Variants in BRF1 observed in about 807,000 individuals in gnomAD.
The protein encoded by BRF1 is transcription factor IIIB 90 kDa subunit.
Under a neutral mutation model 81.7 loss-of-function variants are expected in BRF1, and 59 were observed. The ratio of observed to expected loss-of-function variants is 0.72; its 90% CI spans 0.59 to 0.90. The LOEUF (loss-of-function observed/expected upper bound fraction) is 0.90. BRF1 is among the 40% of genes least tolerant of loss of function. The pLI, the probability that BRF1 is intolerant of heterozygous loss-of-function variation, is 0.00. For synonymous variants in BRF1, 491 were observed against 395.6 expected (o/e 1.24, Z -2.86); for missense variants, 1,050 against 936.3 (o/e 1.12, Z -1.58).
At chr14:105,219,092 C>T (rs992291073) in intron 13 of BRF1, 39 bp from the exon 14 acceptor site, 1 of 1,613,974 alleles carries the variant, frequency 6.2e-7, no homozygotes, top group Non-Finnish European at 8.5e-7. Flanking sequence ...ACTGAGGGCC[C>T]ACGCCCCAGG....
At chr14:105,226,379 C>A in intron 8 of BRF1, 89 bp from the exon 9 acceptor site, 1 of 1,566,330 alleles carries the variant, frequency 6.4e-7, no homozygotes, top group Non-Finnish European at 8.8e-7. Context: ...CCAGGGACCA[C>A]AGGCTGCTAG....
chr14:105,298,765 G>A (rs1235698186), intron 1 of BRF1, among the ~76,000 whole-genome samples: 1 of 151,920 alleles, frequency 6.6e-6, no homozygotes, highest in African/African-American at 2.4e-5. Flanking sequence ...TGAGGCACGA[G>A]AATCACTTGA....
intron 4 of BRF1, among the ~76,000 whole-genome samples, chr14:105,254,703 A>C (rs2055780798): frequency 6.6e-6 from 1 of 152,148 alleles, no homozygotes; most frequent in Non-Finnish European, 1.5e-5. Flanking sequence ...CTGGGATTAT[A>C]GGCATCCGCC....
intron 1 of BRF1, among the ~76,000 whole-genome samples, chr14:105,289,877 C>T (rs1240743707): frequency 6.6e-6 from 1 of 151,936 alleles, no homozygotes; most frequent in Non-Finnish European, 1.5e-5. Context: ...CTCAAGTGAT[C>T]CACCCACCTC....
chr14:105,299,110 T>C (rs1189078061), intron 1 of BRF1, among the ~76,000 whole-genome samples: 2 of 151,786 alleles, frequency 1.3e-5, no homozygotes, highest in Non-Finnish European at 2.9e-5. Flanking sequence ...GAGGCAGAGC[T>C]TGCAGTGAGC....
chr14:105,215,149 G>A (rs768775311), intron 15 of BRF1, among the ~76,000 whole-genome samples: 57 of 152,150 alleles, frequency 3.7e-4, no homozygotes, highest in Admixed American at 3.3e-3. Context: ...GCACGAACAC[G>A]CAGATGTGTG....
intron 5 of BRF1, 67 bp from the exon 6 acceptor site, chr14:105,241,481 C>T (rs1273788801): frequency 1.9e-6 from 3 of 1,592,928 alleles, no homozygotes; most frequent in Non-Finnish European, 2.6e-6. Flanking sequence ...GCGGCCCACG[C>T]AGCCCAGGGG....
chr14:105,212,331 G>A, intron 15 of BRF1, 167 bp from the exon 16 acceptor site: 1 of 804,860 alleles, frequency 1.2e-6, no homozygotes, highest in Non-Finnish European at 2.0e-6. Context: ...AGTGCTCACT[G>A]CACATCAACA....
At position 105,209,479 on chromosome 14, in the gene BRF1, T is replaced by A. The variant is rs1475723610; in HGVS notation, c.*1072A>T. 4 of 700,216 alleles carry A rather than the reference T, an allele frequency of 5.7e-6. No individual in the cohort carries two copies. The Admixed American group carries it at 8.0e-5, about 14-fold the overall frequency. The allele number at this position is 700,216 out of a possible 1,614,324, so 43.4% of individuals were successfully genotyped here. A position where few individuals can be genotyped will look rare whatever the true frequency, so the allele number is the denominator to read the frequency against. On this transcript the variant is annotated 3_prime_UTR_variant, in exon 18 of 18. Coordinates refer to ENST00000547530, the MANE Select transcript of BRF1 (RefSeq NM_001519.4). ...GGAGGATGAGGCCCCTGGGGGTCAG[T>A]GAGGCACGGCTCTGCCTCAAGGCCA... is the stretch of plus-strand genomic sequence containing the variant.
Position 105,221,655 on chromosome 14 carries a change from G to A in BRF1, c.1308C>T (p.Ser436=), listed in dbSNP as rs149482077. The change falls in exon 11 of 18, where the codon AGC becomes AGT. Residue 436 remains serine, a synonymous_variant. Coordinates refer to ENST00000547530, the MANE Select transcript of BRF1 (RefSeq NM_001519.4). ...SIRECISSQS[S]DPKDASGDGE... is the part of the protein sequence containing the mutation. ...GGCCCCATCAGAACTCACTGGGGTC[G>A]CTGCTCTGAGAGGAGATGCATTCGC... The A allele has an allele frequency of 4.5e-5, 73 of 1,610,154 alleles. No homozygotes were observed. The African/African-American group carries it at 8.6e-4, about 19-fold the overall frequency.
chr14:105,273,710 T>C (rs2056757619), intron 2 of BRF1, among the ~76,000 whole-genome samples: 3 of 152,148 alleles, frequency 2.0e-5, no homozygotes, highest in African/African-American at 7.2e-5. Context: ...TCACAGGCAG[T>C]ATGCTTGGTA....
At chr14:105,306,222 G>T (rs749473756) in intron 1 of BRF1, among the ~76,000 whole-genome samples, 11 of 152,286 alleles carry the variant, frequency 7.2e-5, no homozygotes, top group Non-Finnish European at 1.3e-4. Flanking sequence ...TGAAGGACAC[G>T]CCTAGGCACC....
intron 2 of BRF1, 59 bp from the exon 3 acceptor site, chr14:105,272,953 C>A: frequency 6.7e-7 from 1 of 1,486,478 alleles, no homozygotes; most frequent in Non-Finnish European, 9.0e-7. Context: ...TGAAAAGTAT[C>A]ACACGGCCAC....
chr14:105,273,974 G>C (rs2140414794), intron 2 of BRF1, among the ~76,000 whole-genome samples: 1 of 152,328 alleles, frequency 6.6e-6, no homozygotes, highest in South Asian at 2.1e-4. Context: ...TCTGTCTCCT[G>C]CCTGCCCCTG....
intron 1 of BRF1, among the ~76,000 whole-genome samples, chr14:105,293,513 G>A (rs2057607058): frequency 6.6e-6 from 1 of 152,220 alleles, no homozygotes; most frequent in African/African-American, 2.4e-5. Context: ...TCTGGTGTGT[G>A]GGCGCCATCA....
upstream of BRF1, among the ~76,000 whole-genome samples, chr14:105,305,630 G>A (rs587647247): frequency 4.8e-4 from 73 of 152,318 alleles, no homozygotes; most frequent in African/African-American, 1.2e-3. Context: ...AGGGAGTAAC[G>A]CTCCCCACGT....
At chr14:105,310,331 C>A (rs1262420572) in intron 1 of BRF1, among the ~76,000 whole-genome samples, 1 of 151,024 alleles carries the variant, frequency 6.6e-6, no homozygotes, top group Non-Finnish European at 1.5e-5. Context: ...GAGATCAAGA[C>A]CATCCTGGCT....
At chr14:105,250,715 G>T (rs1456463936) in intron 5 of BRF1, 37 of 1,562,318 alleles carry the variant, frequency 2.4e-5, no homozygotes, top group Non-Finnish European at 3.2e-5. Context: ...TGAGTGGAGG[G>T]GAAGTCAAGA....
chr14:105,211,874 C>G (rs1012128155), intron 16 of BRF1: 11 of 589,216 alleles, frequency 1.9e-5, no homozygotes, highest in Non-Finnish European at 3.0e-5. Context: ...AGCCTTGGCC[C>G]GAGCGCTGAG....
Sources: allele counts gnomAD v4.1 joint callset (sites outside exome capture counted in the v4.1 genomes callset), GRCh38; gene constraint gnomAD v4.1.1; transcripts MANE v1.5; gene names NCBI Gene and HGNC (gene_info 2026-07-23, HGNC 2026-07-21).